GTF2H5: variants seen among roughly 807,000 people sequenced by gnomAD.
GTF2H5 encodes the protein general transcription factor IIH subunit 5.
In GTF2H5, 5 loss-of-function variants were observed where a neutral mutation model predicts 7.1. That is an observed-to-expected ratio of 0.71 (90% CI 0.37 to 1.49). The LOEUF is 1.49. Ranked by LOEUF, GTF2H5 falls within the 40% of genes most tolerant of loss-of-function variation. The probability of loss-of-function intolerance (pLI) is 0.03; values close to 1 mark genes in which losing one functional copy is unlikely to be tolerated. For missense variants in GTF2H5, 80 were observed against 83.0 expected (o/e 0.96, Z 0.14); for synonymous variants, 30 against 31.7 (o/e 0.95, Z 0.18).
At chr6:158,189,413 G>C (rs781708120) in intron 2 of GTF2H5, among the ~76,000 whole-genome samples, 1 of 152,098 alleles carries the variant, frequency 6.6e-6, no homozygotes, top group African/African-American at 2.4e-5. Flanking sequence ...GTTAGTATCC[G>C]TGTGGGTAGT....
chr6:158,180,933 C>T (rs1173867236), intron 2 of GTF2H5, among the ~76,000 whole-genome samples: 1 of 149,322 alleles, frequency 6.7e-6, no homozygotes, highest in Admixed American at 6.8e-5. Context: ...TTTGTTTGCT[C>T]TTGCTTCTCT....
intron 2 of GTF2H5, among the ~76,000 whole-genome samples, chr6:158,175,024 G>GTGTGTGTGTGTGTATATATA (rs1474220249): frequency 2.4e-5 from 3 of 124,058 alleles, no homozygotes; most frequent in African/African-American, 1.4e-4. Flanking sequence ...GTGTGTGTGT[G>GTGTGTGTGTGTGTATATATA]TGTGTGTGTG....
intron 2 of GTF2H5, among the ~76,000 whole-genome samples, chr6:158,184,146 A>G (rs1245710322): frequency 6.6e-6 from 1 of 152,280 alleles, no homozygotes; most frequent in East Asian, 1.9e-4. Flanking sequence ...GCACAGAAGA[A>G]TGGCTATTTT....
In GTF2H5 at chr6:158,169,694, T is replaced by C. The variant is rs1401697359; in HGVS notation, c.-34-776T>C. 2.3e-5 allele frequency among the ~76,000 whole-genome samples: 2 copies of C among 86,984 alleles called. 1 individual carries two copies. Among genetic ancestry groups the C allele is most frequent in the Non-Finnish European group, 3.8e-5 (2 of 52,058 alleles). The allele number at this position is 86,984 out of a possible 152,430, so 57.1% of individuals were successfully genotyped here. A position where few individuals can be genotyped will look rare whatever the true frequency, so the allele number is the denominator to read the frequency against. On this transcript the variant is annotated intron_variant, in intron 1 of 2. Coordinates refer to ENST00000607778, the MANE Select transcript of GTF2H5 (RefSeq NM_207118.3). ...ATATTATATAATATATAATATATAT[T>C]ATATAATATATTGTATATTATATAT...
At position 158,169,462 on chromosome 6, in the gene GTF2H5, T is replaced by G. The variant is rs191685855; in HGVS notation, c.-34-1008T>G. Among the ~76,000 whole-genome samples, 50 of 69,770 alleles carry G rather than the reference T, an allele frequency of 7.2e-4. No individual in the cohort carries two copies. The East Asian group carries it at 7.2e-3, about 10-fold the overall frequency. 45.8% of individuals were successfully genotyped at this position (69,770 alleles called of 152,430 possible). On this transcript the variant is annotated intron_variant, in intron 1 of 2. Coordinates refer to ENST00000607778, the MANE Select transcript of GTF2H5 (RefSeq NM_207118.3). ...TTATATATATTATATATTATATATA[T>G]TATATTGTATATTATATATAATATA...
At chr6:158,170,076 A>G (rs1269629652) in intron 1 of GTF2H5, among the ~76,000 whole-genome samples, 4 of 151,892 alleles carry the variant, frequency 2.6e-5, no homozygotes, top group African/African-American at 9.7e-5. Context: ...ATAATTTTTG[A>G]AGCACCTTTC....
chr6:158,187,628 C>T (rs9459626), intron 2 of GTF2H5, among the ~76,000 whole-genome samples: 9,206 of 151,986 alleles, frequency 0.061, 944 homozygotes, highest in African/African-American at 0.21. Context: ...AGTTCAGTGG[C>T]GCGATCTTGG....
At chr6:158,174,685 T>C (rs1425996512) in intron 2 of GTF2H5, among the ~76,000 whole-genome samples, 1 of 152,200 alleles carries the variant, frequency 6.6e-6, no homozygotes. Context: ...TTCCAGATGC[T>C]GGAGCAGACC....
chr6:158,179,480 A>G (rs1039126744), intron 2 of GTF2H5, among the ~76,000 whole-genome samples: 7 of 152,238 alleles, frequency 4.6e-5, no homozygotes, highest in Non-Finnish European at 1.0e-4. Context: ...ATCCACGAGC[A>G]TGGAATGTTT....
At chr6:158,189,492 C>CA (rs1243254697) in intron 2 of GTF2H5, among the ~76,000 whole-genome samples, 3 of 152,216 alleles carry the variant, frequency 2.0e-5, no homozygotes, top group Non-Finnish European at 4.4e-5. Flanking sequence ...CACCTCATCA[C>CA]AGCCACTCAT....
At position 158,192,194 on chromosome 6, in the gene GTF2H5, G is replaced by A. The variant is rs1330617171; in HGVS notation, c.*37G>A. ...ATGGACCATTTAGGAATTATAAGCA[G>A]CAACTGTGAAAGACTTGCCACTCAA... On this transcript the variant is annotated 3_prime_UTR_variant, in exon 3 of 3. Coordinates refer to ENST00000607778, the MANE Select transcript of GTF2H5 (RefSeq NM_207118.3). 3 of 1,531,686 alleles carry A rather than the reference G, an allele frequency of 2.0e-6. No individual in the cohort carries two copies. The Admixed American group carries it at 5.0e-5, about 26-fold the overall frequency. The allele number at this position is 1,531,686 out of a possible 1,614,324, so 94.9% of individuals were successfully genotyped here. A position where few individuals can be genotyped will look rare whatever the true frequency, so the allele number is the denominator to read the frequency against.
chr6:158,182,489 C>T (rs992411109), intron 2 of GTF2H5, among the ~76,000 whole-genome samples: 1 of 152,164 alleles, frequency 6.6e-6, no homozygotes, highest in Non-Finnish European at 1.5e-5. Context: ...TGGCTCCATT[C>T]TCCTCGTCAC....
chr6:158,175,968 G>A (rs1562471875), intron 2 of GTF2H5, among the ~76,000 whole-genome samples: 2 of 152,128 alleles, frequency 1.3e-5, no homozygotes, highest in South Asian at 2.1e-4. Flanking sequence ...CTGTACTAAC[G>A]CTGTTTTCCA....
intron 1 of GTF2H5, 108 bp from the exon 2 acceptor site, chr6:158,170,362 C>G: frequency 1.5e-6 from 1 of 683,506 alleles, no homozygotes; most frequent in South Asian, 1.7e-5. Context: ...ATAGACTTAA[C>G]TGTTAAATAT....
At chr6:158,170,377 A>G in intron 1 of GTF2H5, 93 bp from the exon 2 acceptor site, 1 of 725,466 alleles carries the variant, frequency 1.4e-6, no homozygotes, top group Non-Finnish European at 2.5e-6. Context: ...AAATATTGAC[A>G]TTTAATTATT....
intron 2 of GTF2H5, among the ~76,000 whole-genome samples, chr6:158,191,714 C>T (rs1362224084): frequency 2.2e-4 from 34 of 152,146 alleles, no homozygotes; most frequent in Non-Finnish European, 1.5e-5. Flanking sequence ...GATCTCCTGA[C>T]CTGGTGATCC....
At chr6:158,169,322 A>G (rs1210267767) in intron 1 of GTF2H5, among the ~76,000 whole-genome samples, 2 of 104,164 alleles carry the variant, frequency 1.9e-5, no homozygotes, top group Non-Finnish European at 3.8e-5. Flanking sequence ...TATGTATATT[A>G]TGTATATTAT....
intron 1 of GTF2H5, among the ~76,000 whole-genome samples, chr6:158,169,457 A>G (rs1380425279): frequency 3.1e-5 from 2 of 64,202 alleles, no homozygotes; most frequent in Non-Finnish European, 5.2e-5. Context: ...TATATATTAT[A>G]TATATTATAT....
chr6:158,183,036 G>A (rs573281546), intron 2 of GTF2H5, among the ~76,000 whole-genome samples: 2 of 152,252 alleles, frequency 1.3e-5, no homozygotes, highest in South Asian at 2.1e-4. Flanking sequence ...GGTCTTTGAT[G>A]TTGGTGACCT....
Sources: gnomAD v4.1 joint callset for allele counts (sites outside exome capture counted in the v4.1 genomes callset) on GRCh38, gnomAD v4.1.1 for gene constraint, MANE v1.5 for transcripts, NCBI Gene and HGNC (gene_info 2026-07-23, HGNC 2026-07-21) for gene names.